Variants in LGALS9 observed in about 807,000 individuals in gnomAD.
LGALS9 encodes the protein galectin 9, also known as galectin-9.
LGALS9 carries 26 observed loss-of-function variants against 35.9 expected under a neutral mutation model. The ratio of observed to expected loss-of-function variants is 0.72; its 90% confidence interval spans 0.53 to 1.01. LGALS9 has a LOEUF of 1.01. LGALS9 is among the 50% of genes least tolerant of loss of function. The pLI, the probability that LGALS9 is intolerant of heterozygous loss-of-function variation, is 0.00. For missense variants in LGALS9, 347 were observed against 445.8 expected, an observed-to-expected ratio of 0.78 and a Z score of 1.99; for synonymous variants, 149 against 172.2, an observed-to-expected ratio of 0.87 and a Z score of 1.06.
chr17:27,639,259 A>G (rs987803251), intron 2 of LGALS9, among the ~76,000 whole-genome samples: 1 of 152,150 alleles, frequency 6.6e-6, no homozygotes, highest in African/African-American at 2.4e-5. Flanking sequence ...TGCCAAGGGC[A>G]GGGAGGCCCC....
At chr17:27,633,139 G>A (rs756295666) in intron 1 of LGALS9, among the ~76,000 whole-genome samples, 4 of 152,238 alleles carry the variant, frequency 2.6e-5, no homozygotes, top group East Asian at 3.8e-4. Flanking sequence ...GGTTAGAAGC[G>A]TGGGTGCTGG....
chr17:27,640,415 A>G (rs1567914509), intron 2 of LGALS9, 157 bp from the exon 3 acceptor site: 2 of 1,121,062 alleles, frequency 1.8e-6, no homozygotes, highest in African/African-American at 3.1e-5. Flanking sequence ...TTAGATCCCA[A>G]TTAGAAAAAC....
intron 1 of LGALS9, among the ~76,000 whole-genome samples, chr17:27,634,293 A>G (rs1451437367): frequency 6.6e-6 from 1 of 152,170 alleles, no homozygotes; most frequent in Non-Finnish European, 1.5e-5. Context: ...TCATGCCTAT[A>G]ATCCCAGCAC....
At chr17:27,640,338 C>T (rs989337170) in intron 2 of LGALS9, 7 of 623,592 alleles carry the variant, frequency 1.1e-5, no homozygotes, top group African/African-American at 3.7e-5. Context: ...TTTCCTTAAC[C>T]GTTTTCTATT....
chr17:27,635,152 T>C (rs2074432792), intron 1 of LGALS9, among the ~76,000 whole-genome samples: 1 of 152,212 alleles, frequency 6.6e-6, no homozygotes, highest in African/African-American at 2.4e-5. Flanking sequence ...ATATTCAATT[T>C]AAAAACTCAT....
intron 1 of LGALS9, among the ~76,000 whole-genome samples, chr17:27,635,535 AC>A (rs2074440222): frequency 6.6e-6 from 1 of 152,052 alleles, no homozygotes; most frequent in African/African-American, 2.4e-5. Flanking sequence ...ATATTTTGAA[AC>A]CTCACAGAGC....
rs1349957951 is a variant in LGALS9, at chr17:27,642,217, A to G, written c.334-21A>G. 6.4e-6 allele frequency: 10 copies of G among 1,556,346 alleles called. 1 individual carries two copies. The highest frequency in any genetic ancestry group is 1.1e-5 in the South Asian group (1 of 87,958). On this transcript the variant is annotated intron_variant, in intron 3 of 10. Transcript: ENST00000395473. ...CCCAGCCTGGGATGCCTCCCCCAGA[A>G]CATGTGCTCTCCTCTGGCAGGTGAT...
chr17:27,639,203 A>G (rs1032532284), intron 2 of LGALS9, among the ~76,000 whole-genome samples: 3 of 152,128 alleles, frequency 2.0e-5, no homozygotes, highest in African/African-American at 7.2e-5. Context: ...CGCCATTGCC[A>G]TCCTGCTGTG....
chr17:27,645,824 G>C (rs375225575), intron 6 of LGALS9, 37 bp from the exon 7 acceptor site: 3 of 1,566,974 alleles, frequency 1.9e-6, no homozygotes, highest in East Asian at 2.3e-5. Flanking sequence ...GTTTTCACAC[G>C]TGAGAGCCTG....
intron 1 of LGALS9, among the ~76,000 whole-genome samples, chr17:27,632,413 G>A (rs1040648406): frequency 1.1e-4 from 17 of 152,174 alleles, no homozygotes; most frequent in Non-Finnish European, 5.9e-5. Context: ...TGCAGAGCTC[G>A]GCTCTGCTTT....
chr17:27,643,725 C>A, intron 5 of LGALS9, 105 bp downstream of exon 5: 1 of 1,458,988 alleles, frequency 6.9e-7, no homozygotes, highest in East Asian at 2.5e-5. Flanking sequence ...CTACAGGCCG[C>A]ATCTTGCCCA....
chr17:27,643,935 A>C (rs1210910425), intron 5 of LGALS9: 2 of 323,462 alleles, frequency 6.2e-6, no homozygotes, highest in Non-Finnish European at 5.7e-6. Context: ...ACACCCAACC[A>C]CTGCCACAGT....
At chr17:27,646,352 G>T (rs1295499124) in intron 7 of LGALS9, among the ~76,000 whole-genome samples, 195 bp from the exon 8 acceptor site, 1 of 152,190 alleles carries the variant, frequency 6.6e-6, no homozygotes, top group Non-Finnish European at 1.5e-5. Flanking sequence ...GGTGACCGTG[G>T]TGTGGTCTGG....
Position 27,643,529 on chromosome 17 carries a change from C to T in LGALS9, c.449C>T (p.Pro150Leu). ...CGGTGCCTTTTGTTTTAACAGAACC[C>T]CCGCACAGTCCCTGTTCAGCCTGCC... ...VQLSYISFQN[P>L]RTVPVQPAFS... The change falls in exon 5 of 11, where the codon CCC becomes CTC. Residue 150 changes from proline to leucine, a missense_variant. Coordinates refer to ENST00000395473, the MANE Select transcript of LGALS9 (RefSeq NM_009587.3). The T allele has an allele frequency of 1.2e-6, 2 of 1,611,882 alleles. No homozygotes were observed. Among genetic ancestry groups the T allele is most frequent in the South Asian group, 2.2e-5 (2 of 90,988 alleles).
intron 1 of LGALS9, among the ~76,000 whole-genome samples, chr17:27,631,564 T>G (rs1382699596): frequency 6.6e-6 from 1 of 152,154 alleles, no homozygotes; most frequent in Non-Finnish European, 1.5e-5. Context: ...TCCTGTCCTG[T>G]GTGCTCAGGG....
rs1904824524 is a variant in LGALS9, at chr17:27,645,018, A to G, written c.541-296A>G. ...TGGGTGAAATATGGCACTGGAAGTA[A>G]TGCTCTTCGCTGTGGGAGCTACAGA... On this transcript the variant is annotated intron_variant, in intron 5 of 10. Transcript: ENST00000395473. The G allele has an allele frequency of 1.0e-5, 5 of 492,440 alleles. No homozygotes were observed. The South Asian group carries it at 1.2e-4, about 12-fold the overall frequency. The allele number at this position is 492,440 out of a possible 1,614,324, so 30.5% of individuals were successfully genotyped here.
intron 1 of LGALS9, among the ~76,000 whole-genome samples, chr17:27,632,591 C>T (rs2074403716): frequency 6.6e-6 from 1 of 151,960 alleles, no homozygotes; most frequent in Non-Finnish European, 1.5e-5. Flanking sequence ...GCAGGTGCTG[C>T]CTTGGGCATG....
chr17:27,640,740 C>T lies in LGALS9; in HGVS notation c.300C>T (p.Asp100=). The T allele has an allele frequency of 6.2e-7, 1 of 1,614,200 alleles. No homozygotes were observed. The highest frequency in any genetic ancestry group is 8.5e-7 in the Non-Finnish European group (1 of 1,180,012). Residue 100 remains aspartate, a synonymous_variant, in exon 3 of 11, where the codon GAC becomes GAT. Transcript: ENST00000395473. ...CTTTCCAGAAGGGGATGCCCTTTGA[C>T]CTCTGCTTCCTGGTGCAGAGCTCAG... ...HMPFQKGMPF[D]LCFLVQSSDF...
rs958122376 is a variant in LGALS9 at position 27,640,880 on chromosome 17, A to G, written c.333+107A>G. The stretch of plus-strand genomic sequence containing the variant: ...ATTGACATTCAGCCAGAGTGACACC[A>G]CTATACAGATAACACGCTCATTTCC... On this transcript the variant is annotated intron_variant, in intron 3 of 10. Transcript: ENST00000395473. 3 of 1,493,710 alleles carry G rather than the reference A, an allele frequency of 2.0e-6. No individual in the cohort carries two copies. The African/African-American group carries it at 4.1e-5, about 21-fold the overall frequency. 92.5% of individuals were successfully genotyped at this position (1,493,710 alleles called of 1,614,324 possible).
Sources: allele counts gnomAD v4.1 joint callset (sites outside exome capture counted in the v4.1 genomes callset), GRCh38; gene constraint gnomAD v4.1.1; transcripts MANE v1.5; gene names NCBI Gene and HGNC (gene_info 2026-07-23, HGNC 2026-07-21).